Variants in MPP4 observed in about 807,000 individuals in gnomAD.
MPP4 encodes MAGUK p55 scaffold protein 4, also known as MAGUK p55 subfamily member 4.
A neutral mutation model predicts 98.3 loss-of-function variants in MPP4; 91 were observed. The ratio of observed to expected loss-of-function variants is 0.93; its 90% confidence interval spans 0.78 to 1.10. The LOEUF (loss-of-function observed/expected upper bound fraction) is 1.10. Among genes scored for constraint, MPP4 ranks in the 50% least tolerant of loss-of-function variants. MPP4 has a pLI of 0.00. For missense variants in MPP4, 744 were observed against 792.9 expected (o/e 0.94, Z 0.74); for synonymous variants, 261 against 271.8 (o/e 0.96, Z 0.39).
intron 3 of MPP4, among the ~76,000 whole-genome samples, chr2:201,690,759 C>T (rs890873465): frequency 2.4e-4 from 36 of 152,300 alleles, no homozygotes; most frequent in East Asian, 1.2e-3. Context: ...ATGCCACAAA[C>T]GCTTCTCTGT....
At chr2:201,678,404 T>C (rs1688575269) in intron 10 of MPP4, among the ~76,000 whole-genome samples, 1 of 152,084 alleles carries the variant, frequency 6.6e-6, no homozygotes, top group South Asian at 2.1e-4. Flanking sequence ...CAGCAAACTC[T>C]CTTAGACCTC....
At chr2:201,673,055 G>A (rs1398406987) in intron 11 of MPP4, among the ~76,000 whole-genome samples, 2 of 152,234 alleles carry the variant, frequency 1.3e-5, no homozygotes, top group African/African-American at 4.8e-5. Context: ...ATGCAAGGCT[G>A]GTTCAACATA....
chr2:201,685,637 TTAAAA>T (rs1224413446), intron 6 of MPP4, among the ~76,000 whole-genome samples: 2 of 152,324 alleles, frequency 1.3e-5, no homozygotes, highest in East Asian at 3.9e-4. Flanking sequence ...AAGCCAAATA[TTAAAA>T]TAAAACATAT....
At chr2:201,689,220 G>C (rs1030339277) in intron 4 of MPP4, among the ~76,000 whole-genome samples, 2 of 152,082 alleles carry the variant, frequency 1.3e-5, no homozygotes, top group Non-Finnish European at 2.9e-5. Flanking sequence ...AGCAACTCAG[G>C]AGGCTGAGGC....
intron 16 of MPP4, among the ~76,000 whole-genome samples, chr2:201,657,590 G>GTTTTTTTTGTTTTTTTTTTTTTT (rs1687884945): frequency 1.1e-5 from 1 of 91,124 alleles, no homozygotes; most frequent in Non-Finnish European, 2.2e-5. Flanking sequence ...CCTGGCCCTT[G>GTTTTTTTTGTTTTTTTTTTTTTT]TTTTTTTTTT....
At chr2:201,674,750 G>C (rs1482285596) in intron 11 of MPP4, among the ~76,000 whole-genome samples, 1 of 152,148 alleles carries the variant, frequency 6.6e-6, no homozygotes, top group Non-Finnish European at 1.5e-5. Flanking sequence ...CCTGAATTCT[G>C]CTAAGGTGTA....
intron 16 of MPP4, among the ~76,000 whole-genome samples, chr2:201,657,031 T>G (rs373576969): frequency 5.3e-5 from 8 of 152,188 alleles, no homozygotes; most frequent in African/African-American, 1.9e-4. Flanking sequence ...GGAAGTGTGA[T>G]GGGAAGCTGT....
At chr2:201,650,013 A>C (rs1687673305) in intron 19 of MPP4, 59 bp downstream of exon 19, 5 of 1,433,032 alleles carry the variant, frequency 3.5e-6, no homozygotes, top group Middle Eastern at 3.6e-4. Flanking sequence ...AAAATAGGGA[A>C]TCTATTTCAA....
rs1323063154 is a variant in MPP4 at position 201,687,387 on chromosome 2, G to T, written c.280-16C>A. The T allele has an allele frequency of 1.3e-6, 2 of 1,553,620 alleles. No individual in the cohort carries two copies. Among genetic ancestry groups the T allele is most frequent in the African/African-American group, 2.7e-5 (2 of 72,978 alleles). On this transcript the variant is annotated splice_polypyrimidine_tract_variant and intron_variant, in intron 4 of 21. Transcript: ENST00000409474. The stretch of plus-strand genomic sequence containing the variant: ...ACTCCACTACCTGGTTCATGGAAAA[G>T]GATACATTATAAAAATTTTAAAAAA...
At chr2:201,698,072 G>A in intron 1 of MPP4, 1 of 988,476 alleles carries the variant, frequency 1.0e-6, no homozygotes, top group Non-Finnish European at 1.2e-6. Context: ...ACACAGAAAG[G>A]ATAGCCAGTT....
intron 1 of MPP4, among the ~76,000 whole-genome samples, chr2:201,694,716 G>C (rs1402332358): frequency 7.1e-6 from 1 of 141,584 alleles, no homozygotes; most frequent in East Asian, 2.2e-4. Context: ...GACCTCTTAG[G>C]TTCAAATCAT....
Position 201,680,992 on chromosome 2 carries a change from G to A in MPP4, c.775C>T (p.Pro259Ser), listed in dbSNP as rs773522244. ...CCAGCGTCCATGCAGGGGATGTCGG[G>A]ATCCTCCTGGGGCCAGTACTCAGTC... The part of the protein sequence containing the change: ...AMTEYWPQED[P>S]DIPCMDAGLP... Residue 259 changes from proline (P) to serine (S), a missense_variant, in exon 10 of 22, where the codon CCC becomes TCC. Coordinates refer to ENST00000409474, the MANE Select transcript of MPP4 (RefSeq NM_033066.3). 7 of 1,613,876 alleles carry A rather than the reference G, an allele frequency of 4.3e-6. No individual in the cohort carries two copies. The South Asian group carries it at 7.7e-5, about 18-fold the overall frequency.
intron 14 of MPP4, among the ~76,000 whole-genome samples, chr2:201,662,864 C>T (rs947571313): frequency 6.6e-6 from 1 of 152,192 alleles, no homozygotes; most frequent in African/African-American, 2.4e-5. Context: ...TTGGATAAGT[C>T]ATGTTAACAT....
At chr2:201,678,112 A>G (rs530640124) in intron 10 of MPP4, among the ~76,000 whole-genome samples, 1 of 152,226 alleles carries the variant, frequency 6.6e-6, no homozygotes, top group East Asian at 1.9e-4. Context: ...TTAGGTTTTC[A>G]CGTGGCAATG....
intron 14 of MPP4, among the ~76,000 whole-genome samples, chr2:201,662,532 A>G (rs1053253424): frequency 1.8e-4 from 27 of 150,052 alleles, no homozygotes; most frequent in African/African-American, 5.6e-4. Flanking sequence ...TATATATATC[A>G]AAATATAAAT....
intron 7 of MPP4, among the ~76,000 whole-genome samples, chr2:201,683,546 C>G (rs2105940870): frequency 6.6e-6 from 1 of 152,118 alleles, no homozygotes; most frequent in South Asian, 2.1e-4. Flanking sequence ...GCCAGAAGTT[C>G]AAGACCAGCC....
At position 201,656,213 on chromosome 2, in the gene MPP4, G is replaced by T; in HGVS notation, c.1285C>A (p.Leu429Ile). 2.5e-6 allele frequency: 4 copies of T among 1,605,160 alleles called. No individual in the cohort carries two copies. Among genetic ancestry groups the T allele is most frequent in the Non-Finnish European group, 3.4e-6 (4 of 1,175,864 alleles). ...TGGGACATACCCATGAGCACTATGA[G>T]GCGGTACTTGTCTGAAGGGCGTCGC... ...YQRRPSDKYR[L>I]IVLMGPSGVG... The change falls in exon 17 of 22, where the codon CTC (leucine) becomes ATC (isoleucine). Residue 429 changes from leucine (L) to isoleucine (I), a missense_variant. By Grantham distance (5) the Leu-to-Ile change is conservative. Transcript: ENST00000409474.
chr2:201,696,618 A>C (rs1689194059), intron 1 of MPP4, among the ~76,000 whole-genome samples: 2 of 152,200 alleles, frequency 1.3e-5, no homozygotes, highest in Non-Finnish European at 2.9e-5. Flanking sequence ...CCCATTCAGC[A>C]GTTGGGGGCA....
intron 14 of MPP4, 40 bp from the exon 15 acceptor site, chr2:201,660,386 T>G: frequency 6.2e-7 from 1 of 1,609,072 alleles, no homozygotes; most frequent in Non-Finnish European, 8.5e-7. Context: ...CATGAAAAAG[T>G]TAAGCCTTTA....
Sources: gnomAD v4.1 joint callset for allele counts (sites outside exome capture counted in the v4.1 genomes callset) on GRCh38, gnomAD v4.1.1 for gene constraint, MANE v1.5 for transcripts, NCBI Gene and HGNC (gene_info 2026-07-23, HGNC 2026-07-21) for gene names.